SVEP1: variants seen among roughly 807,000 people sequenced by gnomAD.
SVEP1 encodes sushi, von Willebrand factor type A, EGF and pentraxin domain containing 1.
A neutral mutation model predicts 367.3 loss-of-function variants in SVEP1; 164 were observed. The ratio of observed to expected loss-of-function variants is 0.45; its 90% CI spans 0.39 to 0.51. The LOEUF (loss-of-function observed/expected upper bound fraction) is 0.51. SVEP1 is among the 20% of genes least tolerant of loss of function. The pLI, the probability that SVEP1 is intolerant of heterozygous loss-of-function variation, is 0.00. For synonymous variants in SVEP1, 1,666 were observed against 1,611.6 expected, an observed-to-expected ratio of 1.03 and a Z score of -0.81; for missense variants, 4,117 against 4,425.3, an observed-to-expected ratio of 0.93 and a Z score of 1.98.
chr9:110,566,266 G>T (rs1830491762), intron 1 of SVEP1, among the ~76,000 whole-genome samples: 1 of 151,876 alleles, frequency 6.6e-6, no homozygotes, highest in Non-Finnish European at 1.5e-5. Context: ...AGGCTGCAGT[G>T]AGTCGTGATA....
At chr9:110,508,041 C>T (rs950444872) in intron 5 of SVEP1, among the ~76,000 whole-genome samples, 1 of 152,156 alleles carries the variant, frequency 6.6e-6, no homozygotes, top group East Asian at 1.9e-4. Context: ...ACATTTCACT[C>T]AAGAATGAAC....
chr9:110,453,418 G>A (rs1226974120), intron 22 of SVEP1, among the ~76,000 whole-genome samples: 1 of 152,096 alleles, frequency 6.6e-6, no homozygotes, highest in Non-Finnish European at 1.5e-5. Context: ...TTGTGAGAAG[G>A]TGCTGGAAGC....
rs1458566143 is a variant in SVEP1, at chr9:110,432,610, A to G, written c.5085T>C (p.Pro1695=). 6.2e-7 allele frequency: 1 copy of G among 1,613,290 alleles called. No homozygotes were observed. The highest frequency in any genetic ancestry group is 8.5e-7 in the Non-Finnish European group (1 of 1,179,568). ...CGGCTGAATGGAAGCCATTCTCCAA[A>G]GGAGGTGGCACCCCACAGCTAATGC... is the stretch of plus-strand genomic sequence containing the variant. ...CERISCGVPP[P]LENGFHSADD... Residue 1695 remains proline (P), a synonymous_variant, in exon 31 of 48, where the codon CCT becomes CCC. Transcript: ENST00000374469.
intron 14 of SVEP1, chr9:110,475,956 G>A (rs1564153544): frequency 2.7e-6 from 1 of 373,940 alleles, no homozygotes; most frequent in Non-Finnish European, 4.8e-6. Context: ...CAGCATATGT[G>A]ACTTAGTTTT....
At chr9:110,473,144 G>A (rs1829046412) in intron 14 of SVEP1, among the ~76,000 whole-genome samples, 1 of 151,634 alleles carries the variant, frequency 6.6e-6, no homozygotes, top group African/African-American at 2.4e-5. Context: ...ATGTACTTTA[G>A]ACAATAATTT....
At chr9:110,376,270 G>A (rs1827349380) in intron 45 of SVEP1, among the ~76,000 whole-genome samples, 1 of 125,800 alleles carries the variant, frequency 7.9e-6, no homozygotes, top group South Asian at 2.5e-4. Context: ...TGCTCAGTGA[G>A]CCAGACCAGC....
intron 36 of SVEP1, 147 bp from the exon 37 acceptor site, chr9:110,411,882 G>T: frequency 1.3e-6 from 1 of 770,552 alleles, no homozygotes; most frequent in Non-Finnish European, 1.9e-6. Context: ...TGAGCTTATT[G>T]ATCAAATGAC....
chr9:110,428,840 GC>G (rs2118546589), intron 35 of SVEP1, among the ~76,000 whole-genome samples: 1 of 152,242 alleles, frequency 6.6e-6, no homozygotes, highest in South Asian at 2.1e-4. Context: ...GGAGGTTGAG[GC>G]AGGTGGATTG....
At chr9:110,426,784 C>T (rs1465780450) in intron 36 of SVEP1, among the ~76,000 whole-genome samples, 1 of 152,144 alleles carries the variant, frequency 6.6e-6, no homozygotes, top group African/African-American at 2.4e-5. Flanking sequence ...AGGGCTTTTG[C>T]TAAGATCAAA....
At chr9:110,550,256 C>T (rs148099551) in intron 1 of SVEP1, among the ~76,000 whole-genome samples, 152 bp from the exon 2 acceptor site, 5 of 152,246 alleles carry the variant, frequency 3.3e-5, no homozygotes, top group Non-Finnish European at 7.4e-5. Flanking sequence ...GAAATAGGCA[C>T]AGATGAGAGC....
At chr9:110,541,136 G>A (rs1830139708) in intron 3 of SVEP1, among the ~76,000 whole-genome samples, 1 of 152,054 alleles carries the variant, frequency 6.6e-6, no homozygotes. Context: ...TCTTCCGAAC[G>A]AATGATGAGG....
At chr9:110,573,649 G>T (rs1360952260) in intron 1 of SVEP1, among the ~76,000 whole-genome samples, 1 of 152,104 alleles carries the variant, frequency 6.6e-6, no homozygotes, top group Non-Finnish European at 1.5e-5. Context: ...AGGGGCTCTG[G>T]TTTTATTTTG....
intron 3 of SVEP1, among the ~76,000 whole-genome samples, chr9:110,538,695 C>G (rs546540273): frequency 1.3e-5 from 2 of 152,194 alleles, no homozygotes; most frequent in East Asian, 3.9e-4. Flanking sequence ...CTATAATGTT[C>G]AATCTGCTAA....
chr9:110,416,596 C>T (rs968168812), intron 36 of SVEP1, among the ~76,000 whole-genome samples: 22 of 151,392 alleles, frequency 1.5e-4, no homozygotes, highest in South Asian at 6.3e-4. Flanking sequence ...AAAATATTTG[C>T]AGTGAAAATG....
Position 110,471,352 on chromosome 9 carries a change from G to C in SVEP1, c.2998+12C>G. On this transcript the variant is annotated intron_variant, in intron 16 of 47. Coordinates refer to ENST00000374469, the MANE Select transcript of SVEP1 (RefSeq NM_153366.4). ...TGCACCAAATATTTTTGATCACAGG[G>C]AACAGTCTTACCACACATACGCCCT... 1 of 1,609,688 alleles carries C rather than the reference G, an allele frequency of 6.2e-7. No individual in the cohort carries two copies. The highest frequency in any genetic ancestry group is 2.2e-5 in the East Asian group (1 of 44,856).
chr9:110,542,527 T>C (rs1830164362), intron 3 of SVEP1, among the ~76,000 whole-genome samples: 1 of 152,214 alleles, frequency 6.6e-6, no homozygotes, highest in Non-Finnish European at 1.5e-5. Context: ...CTCAGCTGTC[T>C]GTCTAACTTG....
intron 7 of SVEP1, 76 bp from the exon 8 acceptor site, chr9:110,497,009 C>G (rs1423963810): frequency 3.2e-6 from 3 of 948,544 alleles, no homozygotes; most frequent in Non-Finnish European, 4.7e-6. Context: ...AGGTACAAAT[C>G]TAGTTATATT....
At chr9:110,455,744 G>T in intron 21 of SVEP1, 41 bp from the exon 22 acceptor site, 1 of 1,491,372 alleles carries the variant, frequency 6.7e-7, no homozygotes, top group Non-Finnish European at 9.2e-7. Context: ...TCCAAGGATG[G>T]GATTAACCGA....
At chr9:110,471,691 T>C (rs2118671159) in intron 15 of SVEP1, 94 bp from the exon 16 acceptor site, 1 of 867,448 alleles carries the variant, frequency 1.2e-6, no homozygotes, top group Non-Finnish European at 1.8e-6. Context: ...ATACTTAAAA[T>C]CTTTTAGTAC....
Sources: allele counts gnomAD v4.1 joint callset (sites outside exome capture counted in the v4.1 genomes callset), GRCh38; gene constraint gnomAD v4.1.1; transcripts MANE v1.5; gene names NCBI Gene and HGNC (gene_info 2026-07-23, HGNC 2026-07-21).